Variants in ZFP64 observed in about 807,000 individuals in gnomAD.
The protein encoded by ZFP64 is zinc finger protein 64.
In ZFP64, 14 loss-of-function variants were observed where a neutral mutation model predicts 51.6. The ratio of observed to expected loss-of-function variants is 0.27; its 90% CI spans 0.18 to 0.42. ZFP64 has a LOEUF of 0.42. Ranked by LOEUF, ZFP64 falls within the 10% of genes least tolerant of loss-of-function variation. The pLI, the probability that ZFP64 is intolerant of heterozygous loss-of-function variation, is 1.00. For missense variants in ZFP64, 754 were observed against 906.8 expected (o/e 0.83, Z 2.16); for synonymous variants, 375 against 361.4 (o/e 1.04, Z -0.43).
At chr20:52,188,701 A>G (rs1200990111) in intron 1 of ZFP64, among the ~76,000 whole-genome samples, 2 of 152,008 alleles carry the variant, frequency 1.3e-5, no homozygotes, top group Non-Finnish European at 2.9e-5. Flanking sequence ...TTGGCACTGT[A>G]TTAGAAGCTA....
Position 52,153,157 on chromosome 20 carries a change from G to C in ZFP64, c.1035C>G (p.Cys345Trp). ...RVHQSEHPEK[C>W]SECSYSCSSK... is the part of the protein sequence containing the mutation. Reference sequence around the variant, plus strand: ...TGGAGCAGGAGTAGCTGCATTCCGAGCACTTCTCAGGATGCTCCGACTGGT... The same window carrying C: ...TGGAGCAGGAGTAGCTGCATTCCGACCACTTCTCAGGATGCTCCGACTGGT... Residue 345 changes from cysteine (C) to tryptophan (W), a missense_variant, in exon 6 of 6, where the codon TGC becomes TGG. By Grantham distance (215) the Cys-to-Trp change is radical (BLOSUM62 -2). This residue lies in a region of ZFP64 where 428 missense variants were observed against 472.4 expected (regional missense o/e 0.91). Transcript: ENST00000216923. The surrounding 1 kb of genome is among the most constrained non-coding windows in gnomAD (Gnocchi z 5.1). 1 of 1,614,250 alleles carries C rather than the reference G, an allele frequency of 6.2e-7. No homozygotes were observed. The highest frequency in any genetic ancestry group is 1.1e-5 in the South Asian group (1 of 91,086).
At position 52,166,035 on chromosome 20, in the gene ZFP64, A is replaced by T. The variant is rs761578559; in HGVS notation, c.287-10T>A. 4 of 1,598,222 alleles carry T rather than the reference A, an allele frequency of 2.5e-6. No individual in the cohort carries two copies. The South Asian group carries it at 4.5e-5, about 18-fold the overall frequency. On this transcript the variant is annotated splice_polypyrimidine_tract_variant and intron_variant, in intron 2 of 5. Transcript: ENST00000216923. ...AATTCTGGAGCTGAAACTAAAAGAT[A>T]TGGTGATTATTAATTTTCTTAATAT...
At chr20:52,148,517 A>T, downstream of ZFP64, among the ~76,000 whole-genome samples, 1 of 152,232 alleles carries the variant, frequency 6.6e-6, no homozygotes, top group East Asian at 1.9e-4. Context: ...CATGGCCAAC[A>T]TGGCGAAATC....
Position 52,191,740 on chromosome 20 carries a change from C to G in ZFP64, c.-104G>C. ...CTTTTATTTTTCCACACCCCCCACC[C>G]TGCCTTCTCCCAACTCTGCGAGGCG... On this transcript the variant is annotated 5_prime_UTR_variant, in exon 1 of 6. Coordinates refer to ENST00000216923, the MANE Select transcript of ZFP64 (RefSeq NM_018197.3). This position sits in a 1 kb window ranked among gnomAD's most constrained non-coding sequence, Gnocchi z 4.3. 1.5e-6 allele frequency: 2 copies of G among 1,347,034 alleles called. No homozygotes were observed. Among genetic ancestry groups the G allele is most frequent in the Non-Finnish European group, 2.0e-6 (2 of 1,020,416 alleles). The allele number at this position is 1,347,034 out of a possible 1,614,324, so 83.4% of individuals were successfully genotyped here.
At chr20:52,168,149 T>G (rs1163749891) in intron 2 of ZFP64, among the ~76,000 whole-genome samples, 1 of 152,180 alleles carries the variant, frequency 6.6e-6, no homozygotes, top group Non-Finnish European at 1.5e-5. Flanking sequence ...CTGATACACC[T>G]CAAATGATAC....
intron 5 of ZFP64, among the ~76,000 whole-genome samples, chr20:52,107,360 G>A (rs6068074): frequency 6.6e-6 from 1 of 151,914 alleles, no homozygotes; most frequent in Non-Finnish European, 1.5e-5. Flanking sequence ...ACATTTTTTA[G>A]GCTGCTTGCT....
intron 3 of ZFP64, chr20:52,164,976 A>T (rs1373419783): frequency 1.5e-6 from 1 of 669,120 alleles, no homozygotes; most frequent in African/African-American, 1.8e-5. Context: ...TCATAAGGAA[A>T]CATCAAATAA....
At chr20:52,122,373 G>C (rs1314949488) in intron 5 of ZFP64, among the ~76,000 whole-genome samples, 6 of 152,010 alleles carry the variant, frequency 3.9e-5, no homozygotes, top group African/African-American at 1.2e-4. Context: ...GGGTGTGGTG[G>C]CCGGCGCCTG....
In ZFP64 at chr20:52,187,034, G is replaced by A. The variant is rs34351592; in HGVS notation, c.84C>T (p.Pro28=). 0.078 allele frequency: 125,539 copies of A among 1,611,708 alleles called. 7,148 individuals are homozygous for A. Among genetic ancestry groups the A allele is most frequent in the African/African-American group, 0.28 (21,142 of 74,972 alleles). The change falls in exon 2 of 6, where the codon CCC becomes CCT. Residue 28 remains proline (P), a synonymous_variant. Transcript: ENST00000216923. ...TGCAGATGCCGCAGATATGGATGTC[G>A]GGAGTCAGCTCCACCAGCACCGTTG... The part of the protein sequence containing the change: ...GGTTVLVELT[P]DIHICGICKQ...
chr20:52,099,587 G>A (rs2079029239), intron 5 of ZFP64, among the ~76,000 whole-genome samples: 1 of 152,212 alleles, frequency 6.6e-6, no homozygotes, highest in African/African-American at 2.4e-5. Flanking sequence ...CTGCAAGTTT[G>A]CTACAGGGGT....
chr20:52,183,448 A>G (rs921482883), intron 2 of ZFP64, among the ~76,000 whole-genome samples: 6 of 152,184 alleles, frequency 3.9e-5, no homozygotes, highest in Admixed American at 2.0e-4. Context: ...CCTCATGAAG[A>G]AGACCACTAC....
intron 3 of ZFP64, chr20:52,165,241 C>T (rs1982155909): frequency 2.2e-6 from 1 of 456,286 alleles, no homozygotes; most frequent in Non-Finnish European, 4.4e-6. Context: ...ATAATAGTTC[C>T]TATAAATGTT....
At chr20:52,133,373 A>G (rs1330485125) in intron 5 of ZFP64, among the ~76,000 whole-genome samples, 1 of 152,196 alleles carries the variant, frequency 6.6e-6, no homozygotes, top group Non-Finnish European at 1.5e-5. Context: ...GGACAAGAGA[A>G]AGATATAAAG....
intron 5 of ZFP64, chr20:52,105,087 C>A: frequency 7.1e-7 from 1 of 1,399,984 alleles, no homozygotes; most frequent in Non-Finnish European, 9.2e-7. Context: ...AACCTCTGAG[C>A]ACCGGCCCCC....
At chr20:52,189,437 CAGATCAT>C (rs1000125947) in intron 1 of ZFP64, among the ~76,000 whole-genome samples, 1 of 149,754 alleles carries the variant, frequency 6.7e-6, no homozygotes, top group Non-Finnish European at 1.5e-5. Context: ...TGTAAATATT[CAGATCAT>C]AGTATTGTAA....
rs1178854484 is a variant in ZFP64, at chr20:52,165,970, T to G, written c.342A>C (p.Glu114Asp). ...CAGTGGCTGTCTGGTTTTCATTACT[T>G]TCCGTGGGCAGGTAAGTTTGATAGC... The part of the protein sequence containing the change: ...EHGYQTYLPT[E>D]SNENQTATVI... The change falls in exon 3 of 6, where the codon GAA becomes GAC. Residue 114 changes from glutamate (E) to aspartate (D), a missense_variant. Coordinates refer to ENST00000216923, the MANE Select transcript of ZFP64 (RefSeq NM_018197.3). 6.2e-7 allele frequency: 1 copy of G among 1,613,938 alleles called. No homozygotes were observed. Among genetic ancestry groups the G allele is most frequent in the Non-Finnish European group, 8.5e-7 (1 of 1,180,010 alleles).
rs777283270 is a variant in ZFP64 at position 52,085,269 on chromosome 20, A to G, written c.1229-3T>C. The G allele has an allele frequency of 1.9e-4, 301 of 1,605,810 alleles. No homozygotes were observed. Among genetic ancestry groups the G allele is most frequent in the Non-Finnish European group, 2.3e-4 (276 of 1,175,096 alleles). ...CCAGCACTGGAAGGGGGTATCCCCT[A>G]GCAATGGAAGGTGTGTTTCCATTAG... is the stretch of plus-strand genomic sequence containing the variant. On this transcript the variant is annotated splice_polypyrimidine_tract_variant and splice_region_variant and intron_variant, in intron 8 of 8. Coordinates refer to the ZFP64 transcript ENST00000361387. This position sits in a 1 kb window ranked among gnomAD's most constrained non-coding sequence, Gnocchi z 4.3.
chr20:52,087,488 C>A (rs2078876790), intron 8 of ZFP64, among the ~76,000 whole-genome samples: 1 of 152,156 alleles, frequency 6.6e-6, no homozygotes, highest in South Asian at 2.1e-4. Flanking sequence ...GGGTAGACAC[C>A]AATTAGAATG....
chr20:52,163,672 C>A (rs369633781), intron 4 of ZFP64, among the ~76,000 whole-genome samples: 2 of 152,160 alleles, frequency 1.3e-5, no homozygotes, highest in South Asian at 2.1e-4. Context: ...AAGGCTGAGG[C>A]TAAATAGCAG....
Sources: gnomAD v4.1 joint callset for allele counts (sites outside exome capture counted in the v4.1 genomes callset) on GRCh38, gnomAD v4.1.1 for gene constraint, gnomAD v4.1.1 regional missense constraint, Gnocchi (gnomAD v3.1) non-coding constraint, MANE v1.5 for transcripts, NCBI Gene and HGNC (gene_info 2026-07-23, HGNC 2026-07-21) for gene names.